The following IMPG2 variants were observed in gnomAD, a reference collection of about 807,000 sequenced individuals.
IMPG2 encodes the protein IPM 200.
IMPG2 carries 91 observed loss-of-function variants against 129.2 expected under a neutral mutation model. The observed-to-expected ratio is 0.70, with a 90% CI of 0.59 to 0.84. IMPG2 has a LOEUF of 0.84. IMPG2 is among the 40% of genes least tolerant of loss of function. IMPG2 has a pLI of 0.00. For synonymous variants in IMPG2, 510 were observed against 517.7 expected (o/e 0.99, Z 0.20); for missense variants, 1,430 against 1,461.7 (o/e 0.98, Z 0.35).
intron 3 of IMPG2, among the ~76,000 whole-genome samples, chr3:101,295,154 C>T (rs527868540): frequency 1.3e-5 from 2 of 152,262 alleles, no homozygotes; most frequent in Admixed American, 1.3e-4. Context: ...AGTCTTTGCC[C>T]ATGCCTACGT....
At chr3:101,262,905 T>C (rs1706685251) in intron 9 of IMPG2, among the ~76,000 whole-genome samples, 1 of 151,454 alleles carries the variant, frequency 6.6e-6, no homozygotes, top group Non-Finnish European at 1.5e-5. Context: ...GGAGTAACCA[T>C]GCTCAGACAA....
intron 14 of IMPG2, among the ~76,000 whole-genome samples, chr3:101,241,414 A>T (rs1280795099): frequency 6.6e-6 from 1 of 152,208 alleles, no homozygotes; most frequent in Non-Finnish European, 1.5e-5. Context: ...AACAAAAAAC[A>T]AGCTGGTTTG....
chr3:101,317,786 T>C (rs190462433), intron 2 of IMPG2, among the ~76,000 whole-genome samples: 1 of 152,214 alleles, frequency 6.6e-6, no homozygotes, highest in East Asian at 1.9e-4. Flanking sequence ...TGTCAGCTTC[T>C]TTTTCAACAG....
In IMPG2 at chr3:101,223,369, G is replaced by GT. The variant is rs992727842; in HGVS notation, c.*3599dup. ...CAACCCGTTTGGGGTTTGTGTTTTT[G>GT]TTTTTTTGCTAAAACATCTCAATTT... On this transcript the variant is annotated 3_prime_UTR_variant, in exon 19 of 19. Coordinates refer to ENST00000193391, the MANE Select transcript of IMPG2 (RefSeq NM_016247.4). The GT allele has an allele frequency of 9.2e-5, 14 of 152,050 alleles. No homozygotes were observed. The highest frequency in any genetic ancestry group is 1.3e-4 in the Non-Finnish European group (9 of 67,988). The allele number at this position is 152,050 out of a possible 1,614,324, so 9.4% of individuals were successfully genotyped here.
At chr3:101,271,648 G>A (rs147845300) in intron 7 of IMPG2, among the ~76,000 whole-genome samples, 184 of 152,264 alleles carry the variant, frequency 1.2e-3, no homozygotes, top group African/African-American at 4.3e-3. Context: ...TAACACTGAA[G>A]CCCATATTCT....
intron 4 of IMPG2, among the ~76,000 whole-genome samples, chr3:101,278,077 A>G (rs1370798082): frequency 6.6e-6 from 1 of 152,176 alleles, no homozygotes; most frequent in Non-Finnish European, 1.5e-5. Flanking sequence ...TCTACTAAAA[A>G]TACAAAAATT....
rs1381004876 is a variant in IMPG2, at chr3:101,243,651, G to T, written c.2680C>A (p.Gln894Lys). Residue 894 changes from glutamine to lysine, a missense_variant, in exon 13 of 19, where the codon CAG becomes AAG. By Grantham distance (53) the Gln-to-Lys change is moderately conservative. Coordinates refer to ENST00000193391, the MANE Select transcript of IMPG2 (RefSeq NM_016247.4). ...TEGGDDLSYT[Q>K]TSGALVVFFS... The stretch of plus-strand genomic sequence containing the variant: ...AAAACCACCAAAGCTCCTGAAGTCT[G>T]GGTATAACTCAAGTCATCTCCTCCT... 1.2e-6 allele frequency: 2 copies of T among 1,613,968 alleles called. No individual in the cohort carries two copies. The highest frequency in any genetic ancestry group is 1.7e-6 in the Non-Finnish European group (2 of 1,179,970).
intron 18 of IMPG2, 113 bp downstream of exon 18, chr3:101,228,684 C>T (rs1043775001): frequency 2.7e-5 from 22 of 827,480 alleles, no homozygotes; most frequent in South Asian, 6.9e-5. Flanking sequence ...TTGGTTATCA[C>T]GGAGACTCCT....
intron 2 of IMPG2, among the ~76,000 whole-genome samples, chr3:101,308,292 C>T (rs987255665): frequency 1.3e-5 from 2 of 152,144 alleles, no homozygotes; most frequent in Non-Finnish European, 2.9e-5. Flanking sequence ...GGGGCCCCAA[C>T]CCCACATTTC....
intron 9 of IMPG2, among the ~76,000 whole-genome samples, chr3:101,266,981 A>G (rs373973823): frequency 6.6e-6 from 1 of 152,190 alleles, no homozygotes; most frequent in Non-Finnish European, 1.5e-5. Context: ...CACATACACA[A>G]TGGAATACTA....
At chr3:101,291,065 A>G (rs559559557) in intron 4 of IMPG2, among the ~76,000 whole-genome samples, 2 of 152,320 alleles carry the variant, frequency 1.3e-5, no homozygotes, top group East Asian at 1.9e-4. Flanking sequence ...TGCTATTCCT[A>G]TGTTTCAAGA....
chr3:101,300,657 C>G (rs1363312715), intron 3 of IMPG2, among the ~76,000 whole-genome samples: 2 of 152,226 alleles, frequency 1.3e-5, no homozygotes, highest in Non-Finnish European at 2.9e-5. Flanking sequence ...GCTCTTCCTT[C>G]CTCTCCGTGG....
At chr3:101,316,419 G>A (rs1422380713) in intron 2 of IMPG2, among the ~76,000 whole-genome samples, 1 of 151,842 alleles carries the variant, frequency 6.6e-6, no homozygotes, top group Admixed American at 6.6e-5. Context: ...TAATAGACAA[G>A]CAACCCATTT....
At chr3:101,227,058 A>G in intron 18 of IMPG2, 77 bp from the exon 19 acceptor site, 1 of 1,335,030 alleles carries the variant, frequency 7.5e-7, no homozygotes, top group African/African-American at 1.4e-5. Context: ...GTCATACATC[A>G]CTAAGCTATA....
In IMPG2 at chr3:101,232,777, A is replaced by T; in HGVS notation, c.3233+4T>A. ...TAAAGTCAAAATCTGTAACTACAAC[A>T]TACCTACAAATGGCCCCGTGCCCAG... On this transcript the variant is annotated splice_donor_region_variant and intron_variant, in intron 15 of 18. Transcript: ENST00000193391. 2 of 1,612,844 alleles carry T rather than the reference A, an allele frequency of 1.2e-6. No individual in the cohort carries two copies. The highest frequency in any genetic ancestry group is 1.1e-5 in the South Asian group (1 of 91,026).
intron 3 of IMPG2, among the ~76,000 whole-genome samples, chr3:101,302,988 A>G (rs1256333474): frequency 6.6e-6 from 1 of 152,190 alleles, no homozygotes; most frequent in Non-Finnish European, 1.5e-5. Flanking sequence ...TAATTCTTCT[A>G]CTATAAATAA....
At position 101,232,768 on chromosome 3, in the gene IMPG2, A is replaced by T; in HGVS notation, c.3233+13T>A. On this transcript the variant is annotated intron_variant, in intron 15 of 18. Coordinates refer to ENST00000193391, the MANE Select transcript of IMPG2 (RefSeq NM_016247.4). ...TATAGCCTCTAAAGTCAAAATCTGT[A>T]ACTACAACATACCTACAAATGGCCC... 6.2e-7 allele frequency: 1 copy of T among 1,612,096 alleles called. No homozygotes were observed. The highest frequency in any genetic ancestry group is 8.5e-7 in the Non-Finnish European group (1 of 1,178,518).
At chr3:101,284,541 A>T (rs951605649) in intron 4 of IMPG2, among the ~76,000 whole-genome samples, 12 of 146,050 alleles carry the variant, frequency 8.2e-5, no homozygotes, top group Non-Finnish European at 1.2e-4. Context: ...AACTAAATCA[A>T]GATTTATTTA....
intron 11 of IMPG2, among the ~76,000 whole-genome samples, chr3:101,251,034 G>A (rs1706538290): frequency 6.6e-6 from 1 of 152,116 alleles, no homozygotes; most frequent in African/African-American, 2.4e-5. Flanking sequence ...TACTTCCAGA[G>A]ATGTGTTAAA....
Sources: allele counts gnomAD v4.1 joint callset (sites outside exome capture counted in the v4.1 genomes callset), GRCh38; gene constraint gnomAD v4.1.1; transcripts MANE v1.5; gene names NCBI Gene and HGNC (gene_info 2026-07-23, HGNC 2026-07-21).